CHN2: variants seen among roughly 807,000 people sequenced by gnomAD.
The protein encoded by CHN2 is chimerin 2, also known as beta-chimaerin.
CHN2 carries 35 observed loss-of-function variants against 56.3 expected under a neutral mutation model. The observed-to-expected ratio is 0.62, with a 90% CI of 0.47 to 0.82. CHN2 has a LOEUF of 0.82. Among genes scored for constraint, CHN2 ranks in the 40% least tolerant of loss-of-function variants. The pLI is 0.00. For synonymous variants in CHN2, 210 were observed against 212.8 expected, an observed-to-expected ratio of 0.99 and a Z score of 0.12; for missense variants, 491 against 580.5, an observed-to-expected ratio of 0.85 and a Z score of 1.58.
intron 1 of CHN2, among the ~76,000 whole-genome samples, chr7:29,289,719 A>G (rs1193806983): frequency 6.6e-6 from 1 of 152,212 alleles, no homozygotes; most frequent in Non-Finnish European, 1.5e-5. Flanking sequence ...GGCACAAAAG[A>G]TAAAAGTCAA....
chr7:29,386,984 A>G (rs1043884867), intron 3 of CHN2, among the ~76,000 whole-genome samples: 5 of 152,250 alleles, frequency 3.3e-5, no homozygotes, highest in Admixed American at 2.0e-4. Flanking sequence ...ATTAGTATCT[A>G]CTGGAGAAGG....
chr7:29,212,511 G>T, intron 1 of CHN2: 2 of 1,566,766 alleles, frequency 1.3e-6, no homozygotes, highest in Non-Finnish European at 8.8e-7. Context: ...TCTTCCACCA[G>T]TCCCAAAGGC....
intron 6 of CHN2, among the ~76,000 whole-genome samples, chr7:29,463,827 A>G (rs182545869): frequency 6.6e-6 from 1 of 152,306 alleles, no homozygotes; most frequent in African/African-American, 2.4e-5. Flanking sequence ...GCTGGTGTAT[A>G]GATGTGGAAC....
At chr7:29,360,731 A>T (rs982062719) in intron 2 of CHN2, among the ~76,000 whole-genome samples, 1 of 152,166 alleles carries the variant, frequency 6.6e-6, no homozygotes, top group Non-Finnish European at 1.5e-5. Flanking sequence ...TCCTGGGTCC[A>T]TATACCCTCC....
chr7:29,244,755 C>G (rs1258817012), intron 1 of CHN2, among the ~76,000 whole-genome samples: 1 of 152,212 alleles, frequency 6.6e-6, no homozygotes, highest in South Asian at 2.1e-4. Context: ...GCCATAATGA[C>G]CAGTGTAACG....
At chr7:29,497,965 G>C (rs1264349739) in intron 8 of CHN2, among the ~76,000 whole-genome samples, 3 of 152,208 alleles carry the variant, frequency 2.0e-5, no homozygotes, top group African/African-American at 7.2e-5. Context: ...AAAAGTTCTG[G>C]AGATGGCCGG....
At chr7:29,268,280 C>G (rs1348111104) in intron 1 of CHN2, among the ~76,000 whole-genome samples, 1 of 34,984 alleles carries the variant, frequency 2.9e-5, no homozygotes, top group Admixed American at 3.7e-4. Context: ...ACGGCTTCAC[C>G]AGAACACACA....
intron 9 of CHN2, among the ~76,000 whole-genome samples, chr7:29,502,375 T>C (rs1790061862): frequency 6.6e-6 from 1 of 152,090 alleles, no homozygotes; most frequent in Non-Finnish European, 1.5e-5. Flanking sequence ...GCATTTCACT[T>C]AACAGGAAGT....
At chr7:29,377,482 A>T (rs1800161330) in intron 3 of CHN2, among the ~76,000 whole-genome samples, 1 of 152,232 alleles carries the variant, frequency 6.6e-6, no homozygotes, top group African/African-American at 2.4e-5. Flanking sequence ...CTCTTGCCTT[A>T]ATGAAAATAC....
chr7:29,337,977 G>A (rs542651535), intron 1 of CHN2, among the ~76,000 whole-genome samples: 1 of 152,328 alleles, frequency 6.6e-6, no homozygotes, highest in South Asian at 2.1e-4. Flanking sequence ...CCAGTCTCAG[G>A]AGGCTTCAAG....
At chr7:29,175,294 C>T (rs1306379511) in intron 2 of CHN2, among the ~76,000 whole-genome samples, 1 of 152,018 alleles carries the variant, frequency 6.6e-6, no homozygotes, top group African/African-American at 2.4e-5. Context: ...CCTGCCTCAG[C>T]CCCCTCAGTA....
intron 10 of CHN2, among the ~76,000 whole-genome samples, chr7:29,505,397 CCCTACTGGATAGAG>C (rs918476107): frequency 6.6e-5 from 10 of 152,134 alleles, no homozygotes; most frequent in Non-Finnish European, 1.0e-4. Context: ...GACATGGAAG[CCCTACTGGATAGAG>C]CCTACTGGAT....
At chr7:29,266,925 T>C (rs1790194183) in intron 1 of CHN2, among the ~76,000 whole-genome samples, 1 of 145,254 alleles carries the variant, frequency 6.9e-6, no homozygotes, top group Non-Finnish European at 1.5e-5. Context: ...AGAGCACAGA[T>C]GAAGTGCAAT....
At chr7:29,256,993 A>G (rs1053551256) in intron 1 of CHN2, among the ~76,000 whole-genome samples, 2 of 152,220 alleles carry the variant, frequency 1.3e-5, no homozygotes, top group Non-Finnish European at 2.9e-5. Flanking sequence ...CTTTAAATAC[A>G]TCCCGAGTAA....
At chr7:29,470,161 C>G (rs1046795607) in intron 6 of CHN2, among the ~76,000 whole-genome samples, 1 of 152,228 alleles carries the variant, frequency 6.6e-6, no homozygotes, top group African/African-American at 2.4e-5. Flanking sequence ...CACACACACT[C>G]TGACATTCCA....
chr7:29,366,839 C>T (rs186260824), intron 2 of CHN2, among the ~76,000 whole-genome samples: 1 of 152,324 alleles, frequency 6.6e-6, no homozygotes, highest in Admixed American at 6.5e-5. Flanking sequence ...CAGCCAAAGA[C>T]ATTGGGGAGC....
At chr7:29,493,521 T>A (rs1208928112) in intron 7 of CHN2, among the ~76,000 whole-genome samples, 2 of 152,184 alleles carry the variant, frequency 1.3e-5, no homozygotes, top group African/African-American at 4.8e-5. Context: ...AACACTTGGA[T>A]ATCATAGCAG....
chr7:29,345,341 A>G (rs1457201304), intron 1 of CHN2, among the ~76,000 whole-genome samples: 7 of 152,214 alleles, frequency 4.6e-5, no homozygotes, highest in Admixed American at 4.6e-4. Context: ...ATAACCACAC[A>G]GCAAAACGTT....
chr7:29,297,256 A>G (rs1315883871), intron 1 of CHN2, among the ~76,000 whole-genome samples: 2 of 152,180 alleles, frequency 1.3e-5, no homozygotes, highest in African/African-American at 4.8e-5. Context: ...AAAGGGCACT[A>G]AATTCTGTGG....
Sources: gnomAD v4.1 joint callset for allele counts (sites outside exome capture counted in the v4.1 genomes callset) on GRCh38, gnomAD v4.1.1 for gene constraint, MANE v1.5 for transcripts, NCBI Gene and HGNC (gene_info 2026-07-23, HGNC 2026-07-21) for gene names.